The following CNTN6 variants were observed in gnomAD, a reference collection of about 807,000 sequenced individuals.
CNTN6 encodes the protein contactin 6, also known as contactin-6.
Under a neutral mutation model 122.8 loss-of-function variants are expected in CNTN6, and 137 were observed. That is an observed-to-expected ratio of 1.12 (90% CI 0.97 to 1.29). The LOEUF (loss-of-function observed/expected upper bound fraction) is 1.29. Ranked by LOEUF, CNTN6 falls within the 50% of genes most tolerant of loss-of-function variation. The pLI is 0.00. For synonymous variants in CNTN6, 570 were observed against 426.0 expected, an observed-to-expected ratio of 1.34 and a Z score of -4.16; for missense variants, 1,634 against 1,223.4, an observed-to-expected ratio of 1.34 and a Z score of -5.01.
chr3:1,216,522 G>A (rs1011206449), intron 2 of CNTN6, among the ~76,000 whole-genome samples: 1 of 152,142 alleles, frequency 6.6e-6, no homozygotes, highest in African/African-American at 2.4e-5. Flanking sequence ...CACTGATACT[G>A]ATATAAGAAA....
chr3:1,168,533 C>T (rs183343084), intron 2 of CNTN6, among the ~76,000 whole-genome samples: 22 of 151,348 alleles, frequency 1.5e-4, no homozygotes, highest in East Asian at 5.8e-4. Context: ...AAACAAGAGA[C>T]GAGCTCTGAG....
In CNTN6 at chr3:1,341,865, A is replaced by G. The variant is rs551600763; in HGVS notation, c.1365-10459A>G. Among the ~76,000 whole-genome samples, 12 of 152,280 alleles carry G rather than the reference A, an allele frequency of 7.9e-5. No individual in the cohort carries two copies. The East Asian group carries it at 2.3e-3, about 29-fold the overall frequency. ...TTACAGACACTAAGAATTCTGAAAAAGTAGAAACGGGCACCAGTAACGTTC... is the reference window on the plus strand; with the variant it reads ...TTACAGACACTAAGAATTCTGAAAAGGTAGAAACGGGCACCAGTAACGTTC... On this transcript the variant is annotated intron_variant, in intron 11 of 22. Transcript: ENST00000446702.
At chr3:1,278,975 T>G (rs1430144322) in intron 5 of CNTN6, among the ~76,000 whole-genome samples, 2 of 152,224 alleles carry the variant, frequency 1.3e-5, no homozygotes, top group African/African-American at 4.8e-5. Context: ...AATACTTTAG[T>G]AAGTAAAGAA....
chr3:1,312,704 C>T (rs1254960296), intron 7 of CNTN6, among the ~76,000 whole-genome samples: 2 of 151,536 alleles, frequency 1.3e-5, no homozygotes, highest in African/African-American at 2.4e-5. Flanking sequence ...TGTTATACAC[C>T]CTAATAAGGT....
At chr3:1,302,135 G>A (rs1373794813) in intron 7 of CNTN6, among the ~76,000 whole-genome samples, 2 of 152,078 alleles carry the variant, frequency 1.3e-5, no homozygotes, top group South Asian at 2.1e-4. Context: ...TTATAAATCT[G>A]TATTTGTAAG....
chr3:1,385,406 T>C (rs745751769), intron 19 of CNTN6, among the ~76,000 whole-genome samples: 9 of 152,192 alleles, frequency 5.9e-5, no homozygotes, highest in Non-Finnish European at 1.0e-4. Context: ...CATTGTGAAT[T>C]TGCATTCATG....
At chr3:1,353,237 G>A (rs1253543253) in intron 12 of CNTN6, among the ~76,000 whole-genome samples, 1 of 151,692 alleles carries the variant, frequency 6.6e-6, no homozygotes, top group Non-Finnish European at 1.5e-5. Flanking sequence ...TGATAAAGCA[G>A]TTTAAGCAGC....
chr3:1,122,232 C>T (rs2091974340), intron 1 of CNTN6, among the ~76,000 whole-genome samples: 1 of 151,122 alleles, frequency 6.6e-6, no homozygotes, highest in East Asian at 1.9e-4. Context: ...AGTATGACCC[C>T]AACCTTGCAG....
chr3:1,125,730 G>A (rs2092136673), intron 1 of CNTN6, among the ~76,000 whole-genome samples: 2 of 151,534 alleles, frequency 1.3e-5, no homozygotes, highest in Admixed American at 6.6e-5. Flanking sequence ...TGGCTGTGAT[G>A]TGAATTTCTG....
At chr3:1,152,534 G>C (rs1023402683) in intron 2 of CNTN6, among the ~76,000 whole-genome samples, 1 of 152,106 alleles carries the variant, frequency 6.6e-6, no homozygotes, top group Non-Finnish European at 1.5e-5. Flanking sequence ...ACCCTAGAAT[G>C]TCACCTGCCT....
intron 1 of CNTN6, among the ~76,000 whole-genome samples, chr3:1,142,260 T>C (rs1455362026): frequency 1.3e-5 from 2 of 151,802 alleles, no homozygotes; most frequent in African/African-American, 4.8e-5. Flanking sequence ...AAAGAAACTC[T>C]TAATGTTGTT....
chr3:1,116,126 C>T (rs1429171107), intron 1 of CNTN6, among the ~76,000 whole-genome samples: 1 of 151,876 alleles, frequency 6.6e-6, no homozygotes, highest in Non-Finnish European at 1.5e-5. Context: ...AGACATGCTC[C>T]AAAAATCAGG....
intron 3 of CNTN6, among the ~76,000 whole-genome samples, chr3:1,227,049 T>G (rs917266678): frequency 1.3e-5 from 2 of 152,174 alleles, no homozygotes; most frequent in African/African-American, 2.4e-5. Context: ...TAATCAGGTA[T>G]TCATTTGTCT....
At chr3:1,304,409 C>G (rs1461782457) in intron 7 of CNTN6, among the ~76,000 whole-genome samples, 6 of 152,116 alleles carry the variant, frequency 3.9e-5, no homozygotes, top group Non-Finnish European at 8.8e-5. Context: ...AGTTGCATAT[C>G]TGGGATTCAA....
At chr3:1,268,815 A>C (rs1167972167) in intron 4 of CNTN6, among the ~76,000 whole-genome samples, 2 of 150,376 alleles carry the variant, frequency 1.3e-5, no homozygotes, top group African/African-American at 2.4e-5. Flanking sequence ...GCTGAAAAAA[A>C]AGCCAGTTTA....
intron 2 of CNTN6, among the ~76,000 whole-genome samples, chr3:1,188,504 G>A (rs1024808857): frequency 2.6e-5 from 4 of 152,110 alleles, no homozygotes; most frequent in South Asian, 4.1e-4. Flanking sequence ...CTGCATATAC[G>A]GAATTAGCCA....
chr3:1,093,956 CCTGA>C (rs1284136580), intron 1 of CNTN6, among the ~76,000 whole-genome samples: 1 of 152,098 alleles, frequency 6.6e-6, no homozygotes, highest in African/African-American at 2.4e-5. Context: ...TAATCAGCAT[CCTGA>C]CTATGTCCTC....
intron 1 of CNTN6, among the ~76,000 whole-genome samples, chr3:1,118,650 C>T (rs370342773): frequency 1.2e-4 from 18 of 152,098 alleles, no homozygotes; most frequent in African/African-American, 4.1e-4. Flanking sequence ...TTTCCTAAAT[C>T]GATCCAATTC....
intron 20 of CNTN6, among the ~76,000 whole-genome samples, chr3:1,393,357 T>C (rs1242106074): frequency 8.5e-6 from 1 of 117,630 alleles, no homozygotes; most frequent in East Asian, 2.5e-4. Flanking sequence ...AATTGAACAA[T>C]GAGATCACAT....
Sources: gnomAD v4.1 joint callset for allele counts (sites outside exome capture counted in the v4.1 genomes callset) on GRCh38, gnomAD v4.1.1 for gene constraint, MANE v1.5 for transcripts, NCBI Gene and HGNC (gene_info 2026-07-23, HGNC 2026-07-21) for gene names.